Variants in CHODL observed in about 807,000 individuals in gnomAD.
CHODL encodes transmembrane protein MT75.
Under a neutral mutation model 34.5 loss-of-function variants are expected in CHODL, and 29 were observed. The ratio of observed to expected loss-of-function variants is 0.84; its 90% CI spans 0.63 to 1.15. The LOEUF (loss-of-function observed/expected upper bound fraction) is 1.15, where lower values mean the gene tolerates loss of function less well. Ranked by LOEUF, CHODL falls within the 50% of genes most tolerant of loss-of-function variation. The pLI is 0.00. For synonymous variants in CHODL, 125 were observed against 116.1 expected (o/e 1.08, Z -0.49); for missense variants, 332 against 332.5 (o/e 1.00, Z 0.01).
intron 1 of CHODL, among the ~76,000 whole-genome samples, chr21:17,980,108 G>C (rs1235868673): frequency 1.5e-5 from 1 of 65,462 alleles, no homozygotes; most frequent in African/African-American, 6.2e-5. Context: ...TTTTTTTTTT[G>C]GTCTGGAGAC....
At chr21:18,259,705 C>T (rs1568962574) in intron 3 of CHODL, among the ~76,000 whole-genome samples, 2 of 152,126 alleles carry the variant, frequency 1.3e-5, no homozygotes, top group Non-Finnish European at 2.9e-5. Context: ...TGGCTTAGAA[C>T]GTTGTTACTT....
intron 2 of CHODL, among the ~76,000 whole-genome samples, chr21:18,162,993 A>G (rs984648225): frequency 6.6e-6 from 1 of 152,136 alleles, no homozygotes; most frequent in Non-Finnish European, 1.5e-5. Flanking sequence ...TTTATGCCAT[A>G]TATATCTATG....
intron 1 of CHODL, among the ~76,000 whole-genome samples, chr21:17,977,399 C>T (rs2063672354): frequency 6.8e-6 from 1 of 147,948 alleles, no homozygotes; most frequent in African/African-American, 2.5e-5. Flanking sequence ...GTCTCTCTCG[C>T]TCTGTCACCA....
At chr21:18,128,341 A>AAAAAAAAAAAAAAAAAAAAAAAAAAAT (rs2072606667) in intron 2 of CHODL, among the ~76,000 whole-genome samples, 1 of 129,838 alleles carries the variant, frequency 7.7e-6, no homozygotes, top group Non-Finnish European at 1.6e-5. Flanking sequence ...AAAAAAAAAA[A>AAAAAAAAAAAAAAAAAAAAAAAAAAAT]GAAGAAGAAG....
chr21:18,260,128 T>C (rs905227722), intron 3 of CHODL, 72 bp from the exon 4 acceptor site: 6 of 560,186 alleles, frequency 1.1e-5, no homozygotes, highest in Non-Finnish European at 1.6e-5. Flanking sequence ...TATAATATAA[T>C]TTCATATTTA....
At chr21:18,025,747 G>C (rs975899194) in intron 1 of CHODL, among the ~76,000 whole-genome samples, 3 of 152,064 alleles carry the variant, frequency 2.0e-5, no homozygotes, top group Admixed American at 6.6e-5. Flanking sequence ...GTGTAGGCAC[G>C]TTGATTTGAT....
At chr21:18,076,450 A>C (rs1477908723) in intron 2 of CHODL, among the ~76,000 whole-genome samples, 4 of 152,196 alleles carry the variant, frequency 2.6e-5, no homozygotes, top group African/African-American at 9.7e-5. Flanking sequence ...ATCTAAGCAA[A>C]ATGTTGAAGG....
chr21:18,058,916 G>C (rs1009758416), intron 2 of CHODL, among the ~76,000 whole-genome samples: 1 of 152,068 alleles, frequency 6.6e-6, no homozygotes, highest in Non-Finnish European at 1.5e-5. Context: ...ACTCTCCCAA[G>C]GCAGTCTTAT....
chr21:18,150,690 A>C (rs2072953372), intron 2 of CHODL, among the ~76,000 whole-genome samples: 1 of 152,188 alleles, frequency 6.6e-6, no homozygotes, highest in South Asian at 2.1e-4. Flanking sequence ...TTCCTGGCTC[A>C]TAACTGCCAC....
chr21:18,178,608 G>T (rs1276038352), intron 2 of CHODL, among the ~76,000 whole-genome samples: 1 of 152,106 alleles, frequency 6.6e-6, no homozygotes, highest in Non-Finnish European at 1.5e-5. Context: ...GTACACTAGA[G>T]AAAAGAAAAT....
chr21:18,119,076 G>A (rs1748432781), intron 2 of CHODL, among the ~76,000 whole-genome samples: 1 of 152,076 alleles, frequency 6.6e-6, no homozygotes, highest in African/African-American at 2.4e-5. Context: ...AGAAGCTTTA[G>A]TGAGGTGTAA....
intron 2 of CHODL, among the ~76,000 whole-genome samples, chr21:18,084,659 A>T (rs2146519136): frequency 6.6e-6 from 1 of 152,256 alleles, no homozygotes; most frequent in South Asian, 2.1e-4. Context: ...TTTAAAAAAA[A>T]ACTTTAAGAC....
Position 18,206,863 on chromosome 21 carries a change from C to CATTATT in CHODL, c.-44-49618_-44-49613dup, listed in dbSNP as rs138294885. On this transcript the variant is annotated intron_variant, in intron 2 of 6. Coordinates refer to the CHODL transcript ENST00000400127. ...GGCTTGCAAATAATATCTTATAACC[C>CATTATT]ATTATTATTATTATTATTATTATTA... is the stretch of plus-strand genomic sequence containing the variant. Among the ~76,000 whole-genome samples the CATTATT allele has an allele frequency of 2.8e-3, 405 of 146,078 alleles. 3 individuals are homozygous for CATTATT. Among genetic ancestry groups the CATTATT allele is most frequent in the African/African-American group, 9.6e-3 (383 of 39,742 alleles).
chr21:18,000,349 C>T (rs185962706), intron 1 of CHODL, among the ~76,000 whole-genome samples: 2 of 152,144 alleles, frequency 1.3e-5, no homozygotes, highest in African/African-American at 2.4e-5. Context: ...CAGGCTTGTT[C>T]CTTGCCTTGC....
intron 1 of CHODL, among the ~76,000 whole-genome samples, chr21:17,971,944 A>G (rs2063618204): frequency 6.6e-6 from 1 of 152,216 alleles, no homozygotes; most frequent in Non-Finnish European, 1.5e-5. Flanking sequence ...CCAGCAGCTC[A>G]TCAAAAAGCT....
At chr21:17,984,244 T>G (rs2063736512) in intron 1 of CHODL, among the ~76,000 whole-genome samples, 1 of 152,168 alleles carries the variant, frequency 6.6e-6, no homozygotes, top group South Asian at 2.1e-4. Flanking sequence ...TAAAATTCCA[T>G]TATATGGGTA....
intron 2 of CHODL, among the ~76,000 whole-genome samples, chr21:18,208,303 G>A (rs1311384319): frequency 1.3e-5 from 2 of 150,976 alleles, no homozygotes; most frequent in Non-Finnish European, 2.9e-5. Flanking sequence ...TGTATTTTTC[G>A]ACTCCAGAAT....
At chr21:18,132,685 A>G (rs2072671322) in intron 2 of CHODL, among the ~76,000 whole-genome samples, 2 of 152,162 alleles carry the variant, frequency 1.3e-5, no homozygotes, top group Non-Finnish European at 2.9e-5. Context: ...GTTGAATTCC[A>G]TATCCAACTG....
At chr21:18,049,599 C>T (rs978576557) in intron 2 of CHODL, among the ~76,000 whole-genome samples, 1 of 151,920 alleles carries the variant, frequency 6.6e-6, no homozygotes, top group Non-Finnish European at 1.5e-5. Context: ...AGTCTGAGGT[C>T]AAGTGAGATT....
Sources: allele counts gnomAD v4.1 joint callset (sites outside exome capture counted in the v4.1 genomes callset), GRCh38; gene constraint gnomAD v4.1.1; transcripts MANE v1.5; gene names NCBI Gene and HGNC (gene_info 2026-07-23, HGNC 2026-07-21).